The following NMRAL1 variants were observed in gnomAD, a reference collection of about 807,000 sequenced individuals.
The protein encoded by NMRAL1 is nmrA-like family domain-containing protein 1.
A neutral mutation model predicts 27.5 loss-of-function variants in NMRAL1; 32 were observed. The observed-to-expected ratio is 1.16, with a 90% CI of 0.88 to 1.56. NMRAL1 has a LOEUF of 1.56. Ranked by LOEUF, NMRAL1 falls within the 40% of genes most tolerant of loss-of-function variation. NMRAL1 has a pLI of 0.00. For synonymous variants in NMRAL1, 166 were observed against 166.8 expected, an observed-to-expected ratio of 1.00 and a Z score of 0.04; for missense variants, 420 against 392.0, an observed-to-expected ratio of 1.07 and a Z score of -0.60.
At chr16:4,466,793 A>G (rs1416095616) in intron 3 of NMRAL1, 2 of 227,338 alleles carry the variant, frequency 8.8e-6, no homozygotes, top group East Asian at 1.1e-4. Context: ...GAGGCACCAC[A>G]GCTGCCTAGG....
chr16:4,466,564 CAT>C, intron 3 of NMRAL1, 162 bp from the exon 4 acceptor site: 1 of 652,936 alleles, frequency 1.5e-6, no homozygotes, highest in Non-Finnish European at 2.6e-6. Flanking sequence ...GATGTTCACA[CAT>C]GACACCACGC....
intron 3 of NMRAL1, among the ~76,000 whole-genome samples, chr16:4,467,610 G>A (rs1474854131): frequency 6.6e-6 from 1 of 151,562 alleles, no homozygotes; most frequent in African/African-American, 2.4e-5. Flanking sequence ...TCAGAGAATC[G>A]ATTTCTGTGG....
chr16:4,464,702 C>T (rs1432740632), intron 4 of NMRAL1, among the ~76,000 whole-genome samples: 2 of 151,210 alleles, frequency 1.3e-5, no homozygotes, highest in African/African-American at 4.9e-5. Flanking sequence ...ACAAGCTCCA[C>T]CTCCCGGGTT....
In NMRAL1 at chr16:4,469,215, G is replaced by A. The variant is rs1453800383; in HGVS notation, c.279+12C>T. On this transcript the variant is annotated intron_variant, in intron 3 of 5. Coordinates refer to ENST00000283429, the MANE Select transcript of NMRAL1 (RefSeq NM_020677.6). ...CTGGCCGGGCCTCCCTGCAGCTCCT[G>A]CCTGCCCTCACCTGCTTGACCTCCT... 3 of 1,597,732 alleles carry A rather than the reference G, an allele frequency of 1.9e-6. No individual in the cohort carries two copies. The highest frequency in any genetic ancestry group is 8.6e-7 in the Non-Finnish European group (1 of 1,165,884).
chr16:4,466,740 G>C lies in NMRAL1; in HGVS notation c.280-338C>G, dbSNP rs924616620. 9 of 303,566 alleles carry C rather than the reference G, an allele frequency of 3.0e-5. No individual in the cohort carries two copies. In the East Asian group the frequency reaches 6.1e-4, roughly 21 times the overall value. 18.8% of individuals were successfully genotyped at this position (303,566 alleles called of 1,614,324 possible). A position where few individuals can be genotyped will look rare whatever the true frequency, so the allele number is the denominator to read the frequency against. On this transcript the variant is annotated intron_variant, in intron 3 of 5. Transcript: ENST00000283429. ...GCTGGTGTGAGAACACCCTGCCCATGGAGCTCAGCCATCTTCCTTGGAGAG... is the reference window on the plus strand; with the variant it reads ...GCTGGTGTGAGAACACCCTGCCCATCGAGCTCAGCCATCTTCCTTGGAGAG...
At chr16:4,466,689 AAGG>A in intron 3 of NMRAL1, 1 of 441,406 alleles carries the variant, frequency 2.3e-6, no homozygotes, top group East Asian at 4.5e-5. Flanking sequence ...TGGAGGTCTA[AAGG>A]AGAATGCACA....
Position 4,461,757 on chromosome 16 carries a change from C to A in NMRAL1, c.*23G>T, listed in dbSNP as rs942864867. 3.8e-6 allele frequency: 6 copies of A among 1,593,366 alleles called. No homozygotes were observed. The African/African-American group carries it at 4.0e-5, about 11-fold the overall frequency. On this transcript the variant is annotated 3_prime_UTR_variant, in exon 6 of 6. Coordinates refer to ENST00000283429, the MANE Select transcript of NMRAL1 (RefSeq NM_020677.6). ...GCCCCTCTGGTGCCCCCGATCCCCA[C>A]AAGGGGCCGCGAGGCGGGCAGGTCA...
At chr16:4,466,477 A>T in intron 3 of NMRAL1, 75 bp from the exon 4 acceptor site, 1 of 1,504,134 alleles carries the variant, frequency 6.6e-7, no homozygotes, top group South Asian at 1.2e-5. Context: ...CCAGCATTCT[A>T]ATCCCGGAGC....
In NMRAL1 at chr16:4,466,239, G is replaced by C; in HGVS notation, c.443C>G (p.Thr148Ser). 1.2e-6 allele frequency: 2 copies of C among 1,614,144 alleles called. No homozygotes were observed. Among genetic ancestry groups the C allele is most frequent in the Non-Finnish European group, 1.7e-6 (2 of 1,180,036 alleles). Residue 148 changes from threonine (T) to serine (S), a missense_variant, in exon 4 of 6, where the codon ACC becomes AGC. Coordinates refer to ENST00000283429, the MANE Select transcript of NMRAL1 (RefSeq NM_020677.6). ...AAAATAGCAGGGCAGCCGCACACTG[G>C]TCATGGGAACGCCAATGTCCCGGAA... ...EYFRDIGVPMTSVRLPCYFEN... is the reference protein window; with the variant it reads ...EYFRDIGVPMSSVRLPCYFEN...
At chr16:4,474,469 C>G in intron 1 of NMRAL1, 85 bp downstream of exon 1, 1 of 301,268 alleles carries the variant, frequency 3.3e-6, no homozygotes, top group Non-Finnish European at 6.3e-6. Context: ...GCCCGGGACC[C>G]CGATTCTGCG....
chr16:4,469,622 T>A (rs1051400231), intron 2 of NMRAL1, 157 bp from the exon 3 acceptor site: 2 of 1,424,738 alleles, frequency 1.4e-6, no homozygotes, highest in African/African-American at 2.9e-5. Context: ...TTTATTTTAT[T>A]TTTTTGAGAT....
chr16:4,461,856 G>A lies in NMRAL1; in HGVS notation c.824C>T (p.Thr275Ile), dbSNP rs1273398447. ...ALRPDRDIEL[T>I]LRLNPKALTL... is the part of the protein sequence containing the mutation. ...CAGGGCCTTGGGGTTGAGTCTCAGG[G>A]TCAGCTCGATGTCACGGTCGGGTCT... is the stretch of plus-strand genomic sequence containing the variant. The change falls in exon 6 of 6, where the codon ACC (threonine) becomes ATC (isoleucine). Residue 275 changes from threonine to isoleucine, a missense_variant. Thr to Ile is a moderately conservative substitution (Grantham distance 89). Coordinates refer to ENST00000283429, the MANE Select transcript of NMRAL1 (RefSeq NM_020677.6). 6.2e-7 allele frequency: 1 copy of A among 1,614,236 alleles called. No individual in the cohort carries two copies. The highest frequency in any genetic ancestry group is 2.2e-5 in the East Asian group (1 of 44,888).
chr16:4,473,530 C>G (rs976132471), intron 2 of NMRAL1, among the ~76,000 whole-genome samples: 7 of 151,964 alleles, frequency 4.6e-5, no homozygotes, highest in African/African-American at 1.7e-4. Flanking sequence ...AACTTGGTAA[C>G]AGCAATAGAT....
chr16:4,467,522 C>T (rs1441918668), intron 3 of NMRAL1, among the ~76,000 whole-genome samples: 1 of 151,854 alleles, frequency 6.6e-6, no homozygotes, highest in African/African-American at 2.4e-5. Context: ...GCATAAACTA[C>T]CACGCCTGGC....
At chr16:4,469,709 A>G (rs775163835) in intron 2 of NMRAL1, 34 of 703,476 alleles carry the variant, frequency 4.8e-5, no homozygotes, top group Non-Finnish European at 7.4e-5. Flanking sequence ...CTATCAAAAA[A>G]TACAAAAATT....
intron 2 of NMRAL1, among the ~76,000 whole-genome samples, chr16:4,472,081 A>T (rs2057587691): frequency 6.7e-6 from 1 of 149,522 alleles, no homozygotes; most frequent in Non-Finnish European, 1.5e-5. Context: ...ACTCAGAAAA[A>T]AGTGTACACC....
intron 3 of NMRAL1, among the ~76,000 whole-genome samples, chr16:4,468,782 C>T (rs11861315): frequency 0.081 from 12,331 of 151,892 alleles, 836 homozygotes; most frequent in African/African-American, 0.18. Flanking sequence ...CTGGGAACCA[C>T]GGGAGGGAGG....
chr16:4,474,261 G>A, intron 1 of NMRAL1, 95 bp from the exon 2 acceptor site: 1 of 862,828 alleles, frequency 1.2e-6, no homozygotes, highest in Non-Finnish European at 1.8e-6. Flanking sequence ...TCGAGTATGT[G>A]TCGAAGGGGG....
intron 2 of NMRAL1, among the ~76,000 whole-genome samples, chr16:4,469,866 TAA>T (rs776897364): frequency 1.9e-4 from 19 of 97,638 alleles, no homozygotes; most frequent in Admixed American, 3.1e-4. Flanking sequence ...GAATCTGTAT[TAA>T]AAAAAAAAAA....
Sources: gnomAD v4.1 joint callset for allele counts (sites outside exome capture counted in the v4.1 genomes callset) on GRCh38, gnomAD v4.1.1 for gene constraint, MANE v1.5 for transcripts, NCBI Gene and HGNC (gene_info 2026-07-23, HGNC 2026-07-21) for gene names.